Variants in MYO16 observed in about 807,000 individuals in gnomAD.
MYO16 encodes myosin XVI, also known as unconventional myosin-XVI.
In MYO16, 94 loss-of-function variants were observed where a neutral mutation model predicts 205.3. The observed-to-expected ratio is 0.46, with a 90% CI of 0.39 to 0.54. MYO16 has a LOEUF of 0.54. Among genes scored for constraint, MYO16 ranks in the 20% least tolerant of loss-of-function variants. MYO16 has a pLI of 0.00. For synonymous variants in MYO16, 988 were observed against 954.0 expected (o/e 1.04, Z -0.66); for missense variants, 2,315 against 2,387.5 (o/e 0.97, Z 0.63).
chr13:109,065,931 G>A (rs1223669431), intron 27 of MYO16, among the ~76,000 whole-genome samples: 1 of 152,194 alleles, frequency 6.6e-6, no homozygotes, highest in African/African-American at 2.4e-5. Context: ...AGAAGGACTT[G>A]TCAATGAAAG....
chr13:109,207,302 A>G lies in MYO16; in HGVS notation c.*466A>G, dbSNP rs1880645233. The G allele has an allele frequency of 6.6e-6, 1 of 152,496 alleles. No individual in the cohort carries two copies. The highest frequency in any genetic ancestry group is 6.5e-5 in the Admixed American group (1 of 15,276). The allele number at this position is 152,496 out of a possible 1,614,324, so 9.4% of individuals were successfully genotyped here. On this transcript the variant is annotated 3_prime_UTR_variant, in exon 35 of 35. Transcript: ENST00000457511. ...TAGCTACTTGTGTTTTATTGGTATT[A>G]TAAACCTGATAATTATTTACATGTT...
At chr13:108,544,087 AAAG>A in the MYO16 span, among the ~76,000 whole-genome samples, 1 of 151,572 alleles carries the variant, frequency 6.6e-6, no homozygotes, top group African/African-American at 2.4e-5. Flanking sequence ...AAAAAAAAAA[AAAG>A]AGCATGATAA....
intron 14 of MYO16, 89 bp downstream of exon 14, chr13:108,888,566 A>G: frequency 1.3e-6 from 1 of 741,914 alleles, no homozygotes; most frequent in Non-Finnish European, 2.1e-6. Flanking sequence ...ATCATAATAG[A>G]TACAAGGGGG....
rs200186426 is a variant in MYO16, at chr13:108,793,536, C to A, written c.637C>A (p.Arg213Ser). Residue 213 changes from arginine (R) to serine (S), a missense_variant, in exon 6 of 35, where the codon CGC becomes AGC. Arg to Ser is a moderately radical substitution (Grantham distance 110, BLOSUM62 -1). Around this residue, in one of 3 missense-constraint regions of MYO16, gnomAD observed 1,213 missense variants for 1,274.4 expected, o/e 0.95. Coordinates refer to ENST00000457511, the MANE Select transcript of MYO16 (RefSeq NM_001198950.3). Reference sequence around the variant, plus strand: ...CACAGGAGTGGATTTGACCTCACTGCGCCAGATGAAGCTTCAGAGACCAAT... The same window carrying A: ...CACAGGAGTGGATTTGACCTCACTGAGCCAGATGAAGCTTCAGAGACCAAT... ...DENGVDLTSLRQMKLQRPMSM... is the reference protein window; with the variant it reads ...DENGVDLTSLSQMKLQRPMSM... The A allele has an allele frequency of 2.5e-6, 4 of 1,613,614 alleles. No homozygotes were observed. Among genetic ancestry groups the A allele is most frequent in the South Asian group, 1.1e-5 (1 of 91,056 alleles).
chr13:108,788,312 G>A (rs1886517012), intron 5 of MYO16, among the ~76,000 whole-genome samples: 1 of 152,116 alleles, frequency 6.6e-6, no homozygotes, highest in African/African-American at 2.4e-5. Context: ...CTCACTGCCT[G>A]AGCCTGCCAG....
At chr13:109,044,829 A>T (rs963256439) in intron 23 of MYO16, among the ~76,000 whole-genome samples, 1 of 152,136 alleles carries the variant, frequency 6.6e-6, no homozygotes, top group African/African-American at 2.4e-5. Context: ...ACCTGGGATT[A>T]CAGGCGTCTG....
At chr13:108,837,820 T>A (rs1877006427) in intron 9 of MYO16, among the ~76,000 whole-genome samples, 1 of 152,240 alleles carries the variant, frequency 6.6e-6, no homozygotes, top group Non-Finnish European at 1.5e-5. Flanking sequence ...ACTCAGTACT[T>A]CTTCTAAAGA....
chr13:108,503,050 T>C, the MYO16 span, among the ~76,000 whole-genome samples: 1 of 152,212 alleles, frequency 6.6e-6, no homozygotes, highest in Admixed American at 6.5e-5. Context: ...AGCTAAGATA[T>C]GTTATTTCTA....
In MYO16 at chr13:108,920,619, C is replaced by T. The variant is rs562396136; in HGVS notation, c.1925+10469C>T. Among the ~76,000 whole-genome samples, 41 of 152,154 alleles carry T rather than the reference C, an allele frequency of 2.7e-4. No individual in the cohort carries two copies. In the South Asian group the frequency reaches 5.4e-3, roughly 20 times the overall value. ...GATTACAGGTGCCTGCCACCACGCC[C>T]GGCTAATTTTTGTATTATTAGTAGA... On this transcript the variant is annotated intron_variant, in intron 16 of 34. Transcript: ENST00000457511.
chr13:109,160,265 T>G (rs776247057), intron 32 of MYO16, among the ~76,000 whole-genome samples: 1 of 152,198 alleles, frequency 6.6e-6, no homozygotes, highest in Non-Finnish European at 1.5e-5. Context: ...TTCAGTTATA[T>G]AAAAACTAGC....
At chr13:109,192,205 G>A (rs1323066084) in intron 34 of MYO16, among the ~76,000 whole-genome samples, 6 of 152,084 alleles carry the variant, frequency 3.9e-5, no homozygotes, top group Admixed American at 3.3e-4. Context: ...CTGTGATATT[G>A]GAAAGAAGTG....
rs386380684 is a variant in MYO16, at chr13:109,022,411, A to ATG, written c.2796+2501_2796+2502insGT. Among the ~76,000 whole-genome samples the ATG allele has an allele frequency of 3.3e-5, 4 of 120,460 alleles. 1 individual carries two copies. Among genetic ancestry groups the ATG allele is most frequent in the Non-Finnish European group, 4.8e-5 (3 of 62,384 alleles). The allele number at this position is 120,460 out of a possible 152,430, so 79.0% of individuals were successfully genotyped here. ...TATACATATATGTATATATGTATAT[A>ATG]TTGTATATACAAATATAAACATATG... On this transcript the variant is annotated intron_variant, in intron 23 of 34. Coordinates refer to ENST00000457511, the MANE Select transcript of MYO16 (RefSeq NM_001198950.3).
chr13:109,100,772 C>T lies in MYO16; in HGVS notation c.3336-13C>T, dbSNP rs201359328. On this transcript the variant is annotated splice_polypyrimidine_tract_variant and intron_variant, in intron 27 of 34. Transcript: ENST00000457511. ...ATGCAGTCATTGCTTTCTGTCTCTGCTGCTTTTCACAGGTATAAGCCACTG... is the reference window on the plus strand; with the variant it reads ...ATGCAGTCATTGCTTTCTGTCTCTGTTGCTTTTCACAGGTATAAGCCACTG... 1.3e-6 allele frequency: 2 copies of T among 1,593,960 alleles called. No homozygotes were observed. The highest frequency in any genetic ancestry group is 1.7e-6 in the Non-Finnish European group (2 of 1,162,820).
At chr13:108,578,269 A>G in the MYO16 span, among the ~76,000 whole-genome samples, 1 of 152,206 alleles carries the variant, frequency 6.6e-6, no homozygotes, top group Admixed American at 6.5e-5. Flanking sequence ...GTTTAATTCA[A>G]TAATTAAAAT....
chr13:109,093,505 A>G (rs151280695), intron 27 of MYO16, among the ~76,000 whole-genome samples: 1 of 152,104 alleles, frequency 6.6e-6, no homozygotes, highest in East Asian at 1.9e-4. Context: ...GCTCCACCCA[A>G]ATTTCTCCTT....
At chr13:108,579,970 A>T in the MYO16 span, among the ~76,000 whole-genome samples, 1 of 152,212 alleles carries the variant, frequency 6.6e-6, no homozygotes, top group Non-Finnish European at 1.5e-5. Flanking sequence ...TTTGAAATTC[A>T]TGATAATTTA....
intron 20 of MYO16, among the ~76,000 whole-genome samples, chr13:108,983,184 A>C (rs558333832): frequency 4.3e-4 from 65 of 152,278 alleles, no homozygotes; most frequent in African/African-American, 1.5e-3. Flanking sequence ...AATCAAAATT[A>C]TATTTCTGGA....
chr13:108,839,690 G>A (rs565606550), intron 9 of MYO16, among the ~76,000 whole-genome samples: 58 of 152,238 alleles, frequency 3.8e-4, no homozygotes, highest in African/African-American at 1.4e-3. Context: ...TCTAGTGTTG[G>A]CATCCATTAA....
At chr13:108,687,314 G>T (rs1036724453) in intron 2 of MYO16, among the ~76,000 whole-genome samples, 1 of 152,162 alleles carries the variant, frequency 6.6e-6, no homozygotes, top group Non-Finnish European at 1.5e-5. Context: ...ATAAGCCCCT[G>T]GTTCTGGCCT....
Sources: gnomAD v4.1 joint callset for allele counts (sites outside exome capture counted in the v4.1 genomes callset) on GRCh38, gnomAD v4.1.1 for gene constraint, gnomAD v4.1.1 regional missense constraint, MANE v1.5 for transcripts, NCBI Gene and HGNC (gene_info 2026-07-23, HGNC 2026-07-21) for gene names.